Variants in EGLN1 observed in about 807,000 individuals in gnomAD.
The protein encoded by EGLN1 is egl-9 family hypoxia inducible factor 1.
Under a neutral mutation model 38.3 loss-of-function variants are expected in EGLN1, and 17 were observed. That is an observed-to-expected ratio of 0.44 (90% CI 0.30 to 0.67). The LOEUF (loss-of-function observed/expected upper bound fraction) is 0.67. Ranked by LOEUF, EGLN1 falls within the 30% of genes least tolerant of loss-of-function variation. The pLI, the probability that EGLN1 is intolerant of heterozygous loss-of-function variation, is 0.08. For synonymous variants in EGLN1, 283 were observed against 257.5 expected (o/e 1.10, Z -0.95); for missense variants, 477 against 603.3 (o/e 0.79, Z 2.19).
At position 231,366,262 on chromosome 1, in the gene EGLN1, G is replaced by C; in HGVS notation, c.*149C>G. On this transcript the variant is annotated 3_prime_UTR_variant, in exon 5 of 5. Coordinates refer to ENST00000366641, the MANE Select transcript of EGLN1 (RefSeq NM_022051.3). Reference sequence around the variant, plus strand: ...AAAGTCACAGCAGTCAAAATCTTCTGTTTGATGCAACACAAAAAGTTGTTT... The same window carrying C: ...AAAGTCACAGCAGTCAAAATCTTCTCTTTGATGCAACACAAAAAGTTGTTT... The C allele has an allele frequency of 1.3e-6, 1 of 793,480 alleles. No homozygotes were observed. 49.2% of individuals were successfully genotyped at this position (793,480 alleles called of 1,614,324 possible).
chr1:231,382,351 A>G (rs1478681175), intron 1 of EGLN1, among the ~76,000 whole-genome samples: 2 of 152,208 alleles, frequency 1.3e-5, no homozygotes, highest in African/African-American at 4.8e-5. Context: ...TGGAGCACTT[A>G]GTTAACATGC....
rs1214684127 is a variant in EGLN1 at position 231,387,385 on chromosome 1, C to T, written c.892-13286G>A. Among the ~76,000 whole-genome samples, 3 of 140,444 alleles carry T rather than the reference C, an allele frequency of 2.1e-5. 1 individual carries two copies. The highest frequency in any genetic ancestry group is 4.1e-4 in the East Asian group (2 of 4,898). 92.1% of individuals were successfully genotyped at this position (140,444 alleles called of 152,430 possible). A position where few individuals can be genotyped will look rare whatever the true frequency, so the allele number is the denominator to read the frequency against. On this transcript the variant is annotated intron_variant, in intron 1 of 4. Transcript: ENST00000366641. Reference sequence around the variant, plus strand: ...ATTTTTTTTTTTTTTTTTGTGACGGCGTCTCGCTCTGTCGCCCAGGCTGGA... The same window carrying T: ...ATTTTTTTTTTTTTTTTTGTGACGGTGTCTCGCTCTGTCGCCCAGGCTGGA...
chr1:231,384,060 T>C (rs1333923904), intron 1 of EGLN1, among the ~76,000 whole-genome samples: 8 of 151,964 alleles, frequency 5.3e-5, no homozygotes, highest in East Asian at 1.9e-4. Flanking sequence ...ACACTGCTAA[T>C]AGATGAGAGT....
Position 231,421,198 on chromosome 1 carries a change from C to T in EGLN1, c.691G>A (p.Asp231Asn), listed in dbSNP as rs1256620927. The part of the protein sequence containing the change: ...QIGDEVRALH[D>N]TGKFTDGQLV... ...TGCCCGTCCGTGAACTTCCCGGTGT[C>T]GTGCAGGGCGCGCACCTCGTCGCCG... is the stretch of plus-strand genomic sequence containing the variant. Residue 231 changes from aspartate to asparagine, a missense_variant, in exon 1 of 5, where the codon GAC becomes AAC. Physicochemically the swap from Asp to Asn is conservative, Grantham distance 23. Around this residue, in one of 4 missense-constraint regions of EGLN1, gnomAD observed 119 missense variants for 179.0 expected, o/e 0.66. Transcript: ENST00000366641. This position sits in a 1 kb window ranked among gnomAD's most constrained non-coding sequence, Gnocchi z 5.5. The T allele has an allele frequency of 3.1e-6, 5 of 1,614,002 alleles. No individual in the cohort carries two copies. Among genetic ancestry groups the T allele is most frequent in the Middle Eastern group, 1.6e-4 (1 of 6,084 alleles).
At chr1:231,416,240 G>A (rs1423963182) in intron 1 of EGLN1, among the ~76,000 whole-genome samples, 3 of 150,960 alleles carry the variant, frequency 2.0e-5, no homozygotes, top group Non-Finnish European at 4.4e-5. Flanking sequence ...TCAAGCTATC[G>A]TCCCACCTCA....
intron 1 of EGLN1, among the ~76,000 whole-genome samples, chr1:231,412,655 A>G (rs1206333435): frequency 6.6e-6 from 1 of 152,216 alleles, no homozygotes; most frequent in Non-Finnish European, 1.5e-5. Flanking sequence ...TAAAACCTCT[A>G]GAGAAGAAAG....
intron 1 of EGLN1, among the ~76,000 whole-genome samples, chr1:231,405,456 T>C (rs1055700483): frequency 3.9e-5 from 6 of 152,112 alleles, no homozygotes; most frequent in Non-Finnish European, 8.8e-5. Flanking sequence ...GGATTACAGG[T>C]GTGAGCCACC....
intron 1 of EGLN1, among the ~76,000 whole-genome samples, chr1:231,416,140 C>T (rs1175327106): frequency 2.6e-5 from 4 of 151,776 alleles, no homozygotes; most frequent in South Asian, 4.2e-4. Flanking sequence ...CGTGAGCCAC[C>T]GCACCTGGCC....
intron 1 of EGLN1, among the ~76,000 whole-genome samples, chr1:231,412,657 A>G (rs1276405680): frequency 1.3e-5 from 2 of 152,340 alleles, no homozygotes; most frequent in Admixed American, 6.5e-5. Flanking sequence ...AAACCTCTAG[A>G]GAAGAAAGGA....
At chr1:231,369,015 G>C (rs1203584554) in intron 3 of EGLN1, among the ~76,000 whole-genome samples, 1 of 152,082 alleles carries the variant, frequency 6.6e-6, no homozygotes, top group Non-Finnish European at 1.5e-5. Flanking sequence ...TTAGCAATCA[G>C]AATTCTAATA....
At chr1:231,401,706 C>T (rs2244986) in intron 1 of EGLN1, among the ~76,000 whole-genome samples, 82,823 of 151,984 alleles carry the variant, frequency 0.54, 24,214 homozygotes, top group Non-Finnish European at 0.65. Flanking sequence ...TATGATGAAG[C>T]ACACTCTGTT....
At chr1:231,371,827 C>T (rs1433729335) in intron 2 of EGLN1, among the ~76,000 whole-genome samples, 1 of 152,014 alleles carries the variant, frequency 6.6e-6, no homozygotes, top group East Asian at 1.9e-4. Flanking sequence ...TTTAAAGAAA[C>T]TCTAACACCT....
In EGLN1 at chr1:231,366,542, T is replaced by C. The variant is rs560088772; in HGVS notation, c.1217-67A>G. On this transcript the variant is annotated intron_variant, in intron 4 of 4. Transcript: ENST00000366641. ...GCACCAGAGAGCTTCTGCTACTGCA[T>C]TCCACTGAATTCCTAAGAGTATGGA... The C allele has an allele frequency of 1.3e-5, 19 of 1,410,802 alleles. 1 individual carries two copies. The highest frequency in any genetic ancestry group is 3.5e-4 in the Middle Eastern group (2 of 5,706). The allele number at this position is 1,410,802 out of a possible 1,614,324, so 87.4% of individuals were successfully genotyped here. A position where few individuals can be genotyped will look rare whatever the true frequency, so the allele number is the denominator to read the frequency against.
rs1201877205 is a variant in EGLN1 at position 231,421,225 on chromosome 1, T to C, written c.664A>G (p.Ile222Val). The C allele has an allele frequency of 6.2e-7, 1 of 1,613,864 alleles. No homozygotes were observed. Among genetic ancestry groups the C allele is most frequent in the African/African-American group, 1.3e-5 (1 of 74,924 alleles). ...DFLGKETGQQ[I>V]GDEVRALHDT... Reference sequence around the variant, plus strand: ...TGCAGGGCGCGCACCTCGTCGCCGATCTGCTGTCCGGTCTCCTTGCCGAGG... The same window carrying C: ...TGCAGGGCGCGCACCTCGTCGCCGACCTGCTGTCCGGTCTCCTTGCCGAGG... Residue 222 changes from isoleucine (I) to valine (V), a missense_variant, in exon 1 of 5, where the codon ATC (isoleucine) becomes GTC (valine). This residue lies in a region of EGLN1 where 119 missense variants were observed against 179.0 expected (regional missense o/e 0.66). Coordinates refer to ENST00000366641, the MANE Select transcript of EGLN1 (RefSeq NM_022051.3). This position sits in a 1 kb window ranked among gnomAD's most constrained non-coding sequence, Gnocchi z 5.5.
At position 231,421,091 on chromosome 1, in the gene EGLN1, G is replaced by A. The variant is rs773149231; in HGVS notation, c.798C>T (p.Cys266=). 2 of 1,614,134 alleles carry A rather than the reference G, an allele frequency of 1.2e-6. No homozygotes were observed. The highest frequency in any genetic ancestry group is 3.3e-5 in the Admixed American group (2 of 60,022). The stretch of plus-strand genomic sequence containing the variant: ...TGCTCATGAGCAGCCCAATGGTTTC[G>A]CAGCCGGGCTCCTTGCCCTCGATCC... ...ITWIEGKEPG[C]ETIGLLMSSM... Residue 266 remains cysteine, a synonymous_variant, in exon 1 of 5, where the codon TGC becomes TGT. Coordinates refer to ENST00000366641, the MANE Select transcript of EGLN1 (RefSeq NM_022051.3). This position sits in a 1 kb window ranked among gnomAD's most constrained non-coding sequence, Gnocchi z 5.5.
intron 1 of EGLN1, among the ~76,000 whole-genome samples, chr1:231,415,050 C>G (rs1689042276): frequency 6.6e-6 from 1 of 152,008 alleles, no homozygotes; most frequent in South Asian, 2.1e-4. Flanking sequence ...GCAGGAGGAT[C>G]ATTTGAGGCC....
In EGLN1 at chr1:231,422,110, A is replaced by C; in HGVS notation, c.-222T>G. The C allele has an allele frequency of 1.3e-5, 5 of 378,628 alleles. No individual in the cohort carries two copies. The highest frequency in any genetic ancestry group is 1.8e-5 in the Non-Finnish European group (4 of 216,748). 23.5% of individuals were successfully genotyped at this position (378,628 alleles called of 1,614,324 possible). ...GCGCCGGCAGCCGCCTCAGCGCCTC[A>C]TCGCCGCCGAGGGCTGAGAGAATAG... On this transcript the variant is annotated 5_prime_UTR_variant, in exon 1 of 5. The change abolishes an upstream ATG in the 5' untranslated region. Coordinates refer to ENST00000366641, the MANE Select transcript of EGLN1 (RefSeq NM_022051.3).
Position 231,364,113 on chromosome 1 carries a change from A to G in EGLN1, c.*2298T>C, listed in dbSNP as rs1687572725. The G allele has an allele frequency of 6.6e-6, 1 of 152,252 alleles. No homozygotes were observed. The allele number at this position is 152,252 out of a possible 1,614,324, so 9.4% of individuals were successfully genotyped here. Reference sequence around the variant, plus strand: ...ATCCTGATTTCTTGATCTTTTCACAATGATTCCTAAGAGAGTATATAAACT... The same window carrying G: ...ATCCTGATTTCTTGATCTTTTCACAGTGATTCCTAAGAGAGTATATAAACT... On this transcript the variant is annotated 3_prime_UTR_variant, in exon 5 of 5. Coordinates refer to ENST00000366641, the MANE Select transcript of EGLN1 (RefSeq NM_022051.3).
intron 1 of EGLN1, among the ~76,000 whole-genome samples, chr1:231,378,789 C>CA (rs3831975): frequency 0.14 from 21,188 of 152,124 alleles, 1,599 homozygotes; most frequent in Non-Finnish European, 0.18. Flanking sequence ...AACAGGGATA[C>CA]AAAGCTTAGA....
Sources: gnomAD v4.1 joint callset for allele counts (sites outside exome capture counted in the v4.1 genomes callset) on GRCh38, gnomAD v4.1.1 for gene constraint, gnomAD v4.1.1 regional missense constraint, Gnocchi (gnomAD v3.1) non-coding constraint, MANE v1.5 for transcripts, NCBI Gene and HGNC (gene_info 2026-07-23, HGNC 2026-07-21) for gene names.